The following TMEM150B variants were observed in gnomAD, a reference collection of about 807,000 sequenced individuals.
TMEM150B encodes modulator of macroautophagy TMEM150B.
Under a neutral mutation model 25.2 loss-of-function variants are expected in TMEM150B, and 33 were observed. The ratio of observed to expected loss-of-function variants is 1.31; its 90% CI spans 0.99 to 1.75. The LOEUF is 1.75. Ranked by LOEUF, TMEM150B falls within the 40% of genes most tolerant of loss-of-function variation. The probability of loss-of-function intolerance (pLI) is 0.00; values close to 1 mark genes in which losing one functional copy is unlikely to be tolerated. For missense variants in TMEM150B, 322 were observed against 306.1 expected, an observed-to-expected ratio of 1.05 and a Z score of -0.39; for synonymous variants, 133 against 134.8, an observed-to-expected ratio of 0.99 and a Z score of 0.09.
In TMEM150B at chr19:55,320,473, G is replaced by C; in HGVS notation, c.129-15C>G. The C allele has an allele frequency of 6.2e-7, 1 of 1,600,548 alleles. No homozygotes were observed. The highest frequency in any genetic ancestry group is 1.1e-5 in the South Asian group (1 of 89,702). On this transcript the variant is annotated splice_polypyrimidine_tract_variant and intron_variant, in intron 4 of 7. Coordinates refer to ENST00000326652, the MANE Select transcript of TMEM150B (RefSeq NM_001282011.2). ...ATCCGCAGATGCTGGGGAAGACAAA[G>C]GGGTCATCCTGGGCAATCCAAGCTA... is the stretch of plus-strand genomic sequence containing the variant.
chr19:55,320,016 C>G, intron 6 of TMEM150B, 23 bp downstream of exon 6: 2 of 1,613,900 alleles, frequency 1.2e-6, no homozygotes, highest in Non-Finnish European at 1.7e-6. Context: ...CGGGACAGAC[C>G]CTGGGCGCCG....
chr19:55,318,675 T>C (rs1355349303), intron 6 of TMEM150B, among the ~76,000 whole-genome samples: 7 of 152,160 alleles, frequency 4.6e-5, no homozygotes, highest in African/African-American at 1.7e-4. Flanking sequence ...CTGTGGTCCA[T>C]GGGCAATGAG....
At chr19:55,318,308 G>A (rs542190147) in intron 6 of TMEM150B, among the ~76,000 whole-genome samples, 19 of 152,260 alleles carry the variant, frequency 1.2e-4, no homozygotes, top group Admixed American at 5.9e-4. Flanking sequence ...GTTGCAGTAA[G>A]CCAAGATCTC....
At chr19:55,321,872 G>C (rs2069713110) in intron 2 of TMEM150B, among the ~76,000 whole-genome samples, 1 of 152,134 alleles carries the variant, frequency 6.6e-6, no homozygotes, top group Non-Finnish European at 1.5e-5. Flanking sequence ...GGGGCTGGGA[G>C]ATATGGAGCA....
chr19:55,317,992 C>G (rs2089062711), intron 6 of TMEM150B, among the ~76,000 whole-genome samples: 2 of 151,774 alleles, frequency 1.3e-5, no homozygotes, highest in South Asian at 4.2e-4. Flanking sequence ...AAAATAAATA[C>G]TTAAAATTTC....
At position 55,320,400 on chromosome 19, in the gene TMEM150B, C is replaced by T; in HGVS notation, c.187G>A (p.Ala63Thr). Residue 63 changes from alanine to threonine, a missense_variant, in exon 5 of 8, where the codon GCT (alanine) becomes ACT (threonine). Coordinates refer to ENST00000326652, the MANE Select transcript of TMEM150B (RefSeq NM_001282011.2). ...GCTGGGCAATATTTACCCAGAGCAG[C>T]TCCCATATTGAGCACCTGGCTGAAG... ...CIFSQVLNMG[A>T]ALAAWICIVR... is the part of the protein sequence containing the mutation. 6.4e-7 allele frequency: 1 copy of T among 1,562,492 alleles called. No individual in the cohort carries two copies. Among genetic ancestry groups the T allele is most frequent in the Non-Finnish European group, 8.7e-7 (1 of 1,153,088 alleles).
chr19:55,310,322 C>T (rs1351273293), downstream of TMEM150B, among the ~76,000 whole-genome samples: 1 of 152,156 alleles, frequency 6.6e-6, no homozygotes, highest in Non-Finnish European at 1.5e-5. This position sits in a 1 kb window ranked among gnomAD's most constrained non-coding sequence, Gnocchi z 5.0. Flanking sequence ...AGGCCCGTTC[C>T]TCCATCTTCA....
chr19:55,320,530 C>G (rs373226497), intron 4 of TMEM150B, 28 bp downstream of exon 4: 1 of 1,613,820 alleles, frequency 6.2e-7, no homozygotes, highest in South Asian at 1.1e-5. Context: ...GGCGATCCCC[C>G]CAAATCCCTA....
chr19:55,314,690 CT>C (rs2088938634), intron 7 of TMEM150B, among the ~76,000 whole-genome samples: 1 of 148,206 alleles, frequency 6.7e-6, no homozygotes, highest in Admixed American at 6.8e-5. Context: ...AAGATCTGGG[CT>C]GGATCTTATC....
In TMEM150B at chr19:55,320,543, C is replaced by T. The variant is rs766854075; in HGVS notation, c.128+15G>A. The T allele has an allele frequency of 2.0e-5, 32 of 1,613,972 alleles. No individual in the cohort carries two copies. Among genetic ancestry groups the T allele is most frequent in the Non-Finnish European group, 2.7e-5 (32 of 1,179,910 alleles). The stretch of plus-strand genomic sequence containing the variant: ...GCGGCGATCCCCCCAAATCCCTACC[C>T]TCGGGCAGAATTACCTGATGTAGGG... On this transcript the variant is annotated intron_variant, in intron 4 of 7. Transcript: ENST00000326652.
At chr19:55,320,533 A>G (rs750510406) in intron 4 of TMEM150B, 25 bp downstream of exon 4, 1 of 1,613,902 alleles carries the variant, frequency 6.2e-7, no homozygotes, top group Admixed American at 1.7e-5. Flanking sequence ...GATCCCCCCA[A>G]ATCCCTACCC....
chr19:55,311,946 G>GCCCCACCCCGAAGCCTGCAGC, downstream of TMEM150B: 1 of 1,610,632 alleles, frequency 6.2e-7, no homozygotes, highest in Non-Finnish European at 8.5e-7. Flanking sequence ...GCCTGCTGGT[G>GCCCCACCCCGAAGCCTGCAGC]CCCCACCCCG....
chr19:55,310,480 A>G (rs544804196), downstream of TMEM150B, among the ~76,000 whole-genome samples: 1 of 152,124 alleles, frequency 6.6e-6, no homozygotes, highest in African/African-American at 2.4e-5. The surrounding 1 kb of genome is among the most constrained non-coding windows in gnomAD (Gnocchi z 5.0). Flanking sequence ...GCATCAAGAA[A>G]CATAGTCACA....
Position 55,320,026 on chromosome 19 carries a change from G to T in TMEM150B, c.324+13C>A. ...CCGGCCGGGACAGACCCTGGGCGCC[G>T]ACTGGGTCTCACCTGGAAATTGCCT... is the stretch of plus-strand genomic sequence containing the variant. On this transcript the variant is annotated intron_variant, in intron 6 of 7. Transcript: ENST00000326652. 1 of 1,613,980 alleles carries T rather than the reference G, an allele frequency of 6.2e-7. No individual in the cohort carries two copies. Among genetic ancestry groups the T allele is most frequent in the Non-Finnish European group, 8.5e-7 (1 of 1,179,968 alleles).
Position 55,320,020 on chromosome 19 carries a change from G to T in TMEM150B, c.324+19C>A, listed in dbSNP as rs377469938. 5.8e-5 allele frequency: 93 copies of T among 1,613,866 alleles called. No homozygotes were observed. The African/African-American group carries it at 1.1e-3, about 20-fold the overall frequency. On this transcript the variant is annotated intron_variant, in intron 6 of 7. Coordinates refer to ENST00000326652, the MANE Select transcript of TMEM150B (RefSeq NM_001282011.2). The stretch of plus-strand genomic sequence containing the variant: ...CAGACGCCGGCCGGGACAGACCCTG[G>T]GCGCCGACTGGGTCTCACCTGGAAA...
At chr19:55,323,393 T>C (rs368194908) in intron 1 of TMEM150B, among the ~76,000 whole-genome samples, 4 of 151,404 alleles carry the variant, frequency 2.6e-5, no homozygotes, top group African/African-American at 4.9e-5. Context: ...GATCATGCCA[T>C]TGGACTCCAG....
At chr19:55,320,493 A>C (rs770594368) in intron 4 of TMEM150B, 35 bp from the exon 5 acceptor site, 2 of 1,609,776 alleles carry the variant, frequency 1.2e-6, no homozygotes, top group South Asian at 2.2e-5. Context: ...TGGGCAATCC[A>C]AGCTAGGGCC....
At position 55,320,545 on chromosome 19, in the gene TMEM150B, C is replaced by T. The variant is rs754313202; in HGVS notation, c.128+13G>A. On this transcript the variant is annotated intron_variant, in intron 4 of 7. Coordinates refer to ENST00000326652, the MANE Select transcript of TMEM150B (RefSeq NM_001282011.2). ...GGCGATCCCCCCAAATCCCTACCCT[C>T]GGGCAGAATTACCTGATGTAGGGAA... The T allele has an allele frequency of 6.2e-6, 10 of 1,613,830 alleles. 1 individual carries two copies. Among genetic ancestry groups the T allele is most frequent in the South Asian group, 4.4e-5 (4 of 91,088 alleles).
rs1405804204 is a variant in TMEM150B, at chr19:55,319,836, A to G, written c.324+203T>C. On this transcript the variant is annotated intron_variant, in intron 6 of 7. Coordinates refer to ENST00000326652, the MANE Select transcript of TMEM150B (RefSeq NM_001282011.2). ...TGGAAGTCAACGAAGTCCTACATAC[A>G]AACAGCCTCGCTCGTAGTGCCCCAC... is the stretch of plus-strand genomic sequence containing the variant. The G allele has an allele frequency of 2.4e-5, 34 of 1,411,798 alleles. 1 individual carries two copies. Among genetic ancestry groups the G allele is most frequent in the Non-Finnish European group, 2.9e-5 (32 of 1,085,492 alleles). 87.5% of individuals were successfully genotyped at this position (1,411,798 alleles called of 1,614,324 possible).
Sources: allele counts gnomAD v4.1 joint callset (sites outside exome capture counted in the v4.1 genomes callset), GRCh38; gene constraint gnomAD v4.1.1; non-coding constraint Gnocchi (gnomAD v3.1); transcripts MANE v1.5; gene names NCBI Gene and HGNC (gene_info 2026-07-23, HGNC 2026-07-21).